LMNTD1: variants seen among roughly 807,000 people sequenced by gnomAD.
LMNTD1 encodes lamin tail domain containing 1, also known as lamin tail domain-containing protein 1.
LMNTD1 carries 35 observed loss-of-function variants against 50.9 expected under a neutral mutation model. The observed-to-expected ratio is 0.69, with a 90% confidence interval of 0.53 to 0.91. The LOEUF (loss-of-function observed/expected upper bound fraction) is 0.91. LMNTD1 is among the 40% of genes least tolerant of loss of function. The pLI, the probability that LMNTD1 is intolerant of heterozygous loss-of-function variation, is 0.00. For missense variants in LMNTD1, 470 were observed against 475.5 expected, an observed-to-expected ratio of 0.99 and a Z score of 0.11; for synonymous variants, 153 against 161.9, an observed-to-expected ratio of 0.94 and a Z score of 0.42.
intron 4 of LMNTD1, among the ~76,000 whole-genome samples, chr12:25,538,470 A>G (rs1470319510): frequency 2.1e-5 from 3 of 143,718 alleles, no homozygotes; most frequent in Admixed American, 7.1e-5. Context: ...ATCCAGCCAA[A>G]CTAAGCTTCA....
intron 1 of LMNTD1, among the ~76,000 whole-genome samples, chr12:25,619,667 T>G (rs1217516633): frequency 6.6e-6 from 1 of 152,170 alleles, no homozygotes; most frequent in Non-Finnish European, 1.5e-5. Flanking sequence ...GTTCTGCCAT[T>G]TTCCCAAAGC....
At chr12:25,591,269 T>G (rs1251388523) in intron 1 of LMNTD1, among the ~76,000 whole-genome samples, 1 of 151,720 alleles carries the variant, frequency 6.6e-6, no homozygotes, top group Non-Finnish European at 1.5e-5. Context: ...CACCTGGGAG[T>G]GGTATAACAC....
At chr12:25,521,808 T>C (rs77079010) in intron 6 of LMNTD1, among the ~76,000 whole-genome samples, 3 of 152,296 alleles carry the variant, frequency 2.0e-5, no homozygotes, top group East Asian at 1.9e-4. Context: ...GAAAACACGT[T>C]CTTCAGGCTA....
intron 1 of LMNTD1, among the ~76,000 whole-genome samples, chr12:25,608,654 A>G (rs1946175063): frequency 6.6e-6 from 1 of 152,182 alleles, no homozygotes; most frequent in Non-Finnish European, 1.5e-5. Flanking sequence ...AATGTTGAAT[A>G]TTGGCCCCCA....
chr12:25,519,123 T>C (rs998214038), intron 7 of LMNTD1, among the ~76,000 whole-genome samples, 156 bp from the exon 8 acceptor site: 1 of 152,192 alleles, frequency 6.6e-6, no homozygotes, highest in African/African-American at 2.4e-5. Flanking sequence ...TTCAGAAGCA[T>C]TTGCTACAAA....
At chr12:25,482,148 G>A (rs193277089) in intron 9 of LMNTD1, among the ~76,000 whole-genome samples, 65 of 151,978 alleles carry the variant, frequency 4.3e-4, no homozygotes, top group Admixed American at 3.9e-3. Context: ...TAAACTTTAG[G>A]CTATACAATT....
chr12:25,500,764 A>C (rs1016973900), intron 9 of LMNTD1, among the ~76,000 whole-genome samples: 2 of 152,138 alleles, frequency 1.3e-5, no homozygotes, highest in African/African-American at 4.8e-5. Flanking sequence ...GAATTCTCTT[A>C]ACTTGCGAAA....
intron 1 of LMNTD1, among the ~76,000 whole-genome samples, chr12:25,646,474 A>G (rs1045780689): frequency 1.3e-5 from 2 of 152,070 alleles, no homozygotes; most frequent in East Asian, 1.9e-4. Flanking sequence ...CCAGTATCCA[A>G]CCTAGCCCTA....
intron 1 of LMNTD1, among the ~76,000 whole-genome samples, chr12:25,593,406 G>A (rs1945758862): frequency 1.3e-5 from 2 of 152,166 alleles, no homozygotes. Context: ...ACAACCCCCA[G>A]TACCAGCCTG....
intron 9 of LMNTD1, among the ~76,000 whole-genome samples, chr12:25,495,287 C>T (rs1939024500): frequency 1.9e-5 from 1 of 52,796 alleles, no homozygotes; most frequent in Non-Finnish European, 6.0e-5. Flanking sequence ...TGTGTGTAGG[C>T]AGGATAGTTT....
At chr12:25,477,081 C>T (rs771840729) in intron 9 of LMNTD1, among the ~76,000 whole-genome samples, 1 of 152,130 alleles carries the variant, frequency 6.6e-6, no homozygotes, top group African/African-American at 2.4e-5. Flanking sequence ...AATCCATTAA[C>T]CTCCTGAAAG....
At chr12:25,563,577 C>T (rs577464209) in intron 1 of LMNTD1, among the ~76,000 whole-genome samples, 28 of 152,256 alleles carry the variant, frequency 1.8e-4, no homozygotes, top group Non-Finnish European at 3.2e-4. Flanking sequence ...CTCCCAGTTA[C>T]GCTACTCAGG....
chr12:25,587,577 G>A (rs181454467), intron 1 of LMNTD1, among the ~76,000 whole-genome samples: 86 of 150,476 alleles, frequency 5.7e-4, no homozygotes, highest in African/African-American at 1.9e-3. Flanking sequence ...AGCACCAACC[G>A]GATGGTGCTA....
At chr12:25,575,251 G>A (rs1292941458) in intron 1 of LMNTD1, among the ~76,000 whole-genome samples, 7 of 152,076 alleles carry the variant, frequency 4.6e-5, no homozygotes, top group Admixed American at 4.6e-4. Flanking sequence ...AATGAGAGGA[G>A]GGAGAAAATA....
At chr12:25,605,662 G>T (rs1946082936) in intron 1 of LMNTD1, among the ~76,000 whole-genome samples, 1 of 152,154 alleles carries the variant, frequency 6.6e-6, no homozygotes, top group Non-Finnish European at 1.5e-5. Context: ...TAGATATGTG[G>T]CATTATTTCT....
intron 6 of LMNTD1, among the ~76,000 whole-genome samples, chr12:25,522,838 T>A (rs532245156): frequency 2.6e-5 from 4 of 152,260 alleles, no homozygotes; most frequent in Non-Finnish European, 5.9e-5. Context: ...AGTCTCTTAC[T>A]TTACAGATGG....
chr12:25,522,545 A>G (rs1482376757), intron 6 of LMNTD1, among the ~76,000 whole-genome samples: 1 of 152,188 alleles, frequency 6.6e-6, no homozygotes, highest in Non-Finnish European at 1.5e-5. Context: ...TAAGCAAGCC[A>G]TTTAACTTTC....
At chr12:25,589,378 C>T (rs1945630397) in intron 1 of LMNTD1, among the ~76,000 whole-genome samples, 1 of 152,000 alleles carries the variant, frequency 6.6e-6, no homozygotes, top group African/African-American at 2.4e-5. Flanking sequence ...GGGATACATA[C>T]AACAGTGGTA....
intron 8 of LMNTD1, among the ~76,000 whole-genome samples, chr12:25,508,860 G>T (rs551793263): frequency 1.3e-5 from 2 of 151,982 alleles, no homozygotes; most frequent in African/African-American, 4.8e-5. Flanking sequence ...AATATCATTC[G>T]TCAGATTAAG....
Sources: allele counts gnomAD v4.1 joint callset (sites outside exome capture counted in the v4.1 genomes callset), GRCh38; gene constraint gnomAD v4.1.1; transcripts MANE v1.5; gene names NCBI Gene and HGNC (gene_info 2026-07-23, HGNC 2026-07-21).